The following STAB2 variants were observed in gnomAD, a reference collection of about 807,000 sequenced individuals.
STAB2 encodes stabilin-2.
In STAB2, 288 loss-of-function variants were observed where a neutral mutation model predicts 338.1. That is an observed-to-expected ratio of 0.85 (90% CI 0.77 to 0.94). The LOEUF (loss-of-function observed/expected upper bound fraction) is 0.94. STAB2 is among the 40% of genes least tolerant of loss of function. The pLI is 0.00. For missense variants in STAB2, 3,141 were observed against 3,210.1 expected (o/e 0.98, Z 0.52); for synonymous variants, 1,202 against 1,193.3 (o/e 1.01, Z -0.15).
At chr12:103,591,829 C>G (rs775187398) in intron 2 of STAB2, among the ~76,000 whole-genome samples, 13 of 152,238 alleles carry the variant, frequency 8.5e-5, no homozygotes, top group Non-Finnish European at 1.6e-4. Flanking sequence ...GTTCTGCTCA[C>G]TAGCTAATGG....
chr12:103,692,140 C>T (rs780690819), intron 30 of STAB2, among the ~76,000 whole-genome samples: 88 of 152,210 alleles, frequency 5.8e-4, no homozygotes, highest in Non-Finnish European at 8.2e-4. Context: ...TTGGTTCCTT[C>T]TAAGGCTTTG....
At chr12:103,763,748 G>C (rs924355759) in intron 68 of STAB2, 140 bp downstream of exon 68, 280 of 810,274 alleles carry the variant, frequency 3.5e-4, no homozygotes, top group Non-Finnish European at 5.7e-5. Context: ...CTAAAAGCCA[G>C]TTTTGCAAGC....
intron 34 of STAB2, among the ~76,000 whole-genome samples, chr12:103,701,455 T>C (rs895981287): frequency 6.6e-5 from 10 of 152,200 alleles, no homozygotes; most frequent in African/African-American, 1.9e-4. Flanking sequence ...GTTGAACTAG[T>C]TTACAGTCCC....
chr12:103,750,776 G>A (rs926511623), intron 60 of STAB2, 56 bp downstream of exon 60: 10 of 1,553,660 alleles, frequency 6.4e-6, no homozygotes, highest in Non-Finnish European at 7.8e-6. Flanking sequence ...GCCTGGGGAA[G>A]GGACCCTCAA....
intron 9 of STAB2, among the ~76,000 whole-genome samples, chr12:103,645,692 G>C (rs1271685629): frequency 6.6e-6 from 1 of 152,192 alleles, no homozygotes; most frequent in Non-Finnish European, 1.5e-5. Context: ...ACTATTATTT[G>C]ATTGTATTAA....
chr12:103,734,537 A>G (rs1448881020), intron 51 of STAB2, among the ~76,000 whole-genome samples: 1 of 152,246 alleles, frequency 6.6e-6, no homozygotes, highest in Non-Finnish European at 1.5e-5. Context: ...ACATGATCAT[A>G]TAGGAGCAAG....
At chr12:103,667,588 G>GC in intron 19 of STAB2, among the ~76,000 whole-genome samples, 1 of 152,300 alleles carries the variant, frequency 6.6e-6, no homozygotes, top group African/African-American at 2.4e-5. Flanking sequence ...GGAGCCAAAA[G>GC]AAGCCCTCAA....
chr12:103,700,114 T>C (rs2138951883), intron 34 of STAB2, among the ~76,000 whole-genome samples: 1 of 152,362 alleles, frequency 6.6e-6, no homozygotes, highest in East Asian at 1.9e-4. Context: ...ACATGATACC[T>C]AAATATTTAA....
intron 68 of STAB2, among the ~76,000 whole-genome samples, chr12:103,764,996 C>T (rs936078452): frequency 1.4e-5 from 2 of 138,858 alleles, no homozygotes; most frequent in Non-Finnish European, 3.0e-5. Context: ...GCTGAGGCAA[C>T]AGAATCGCTT....
At chr12:103,764,368 G>T (rs1412506483) in intron 68 of STAB2, among the ~76,000 whole-genome samples, 1 of 152,170 alleles carries the variant, frequency 6.6e-6, no homozygotes, top group Non-Finnish European at 1.5e-5. Context: ...AGGCCTTATA[G>T]TATATATGGG....
At chr12:103,742,080 C>CATA (rs35636054) in intron 55 of STAB2, among the ~76,000 whole-genome samples, 21,075 of 152,096 alleles carry the variant, frequency 0.14, 2,303 homozygotes, top group African/African-American at 0.31. Flanking sequence ...GACACTGTAT[C>CATA]ATCATTATTA....
chr12:103,588,702 C>T (rs887040569), intron 1 of STAB2, among the ~76,000 whole-genome samples: 1 of 152,128 alleles, frequency 6.6e-6, no homozygotes, highest in Non-Finnish European at 1.5e-5. Context: ...GGTTTTAAAT[C>T]TAGCCCACAA....
At chr12:103,653,840 G>GTGGATGGA (rs148948039) in intron 12 of STAB2, among the ~76,000 whole-genome samples, 3,340 of 139,148 alleles carry the variant, frequency 0.024, 75 homozygotes, top group South Asian at 0.061. Context: ...CACCGGATGG[G>GTGGATGGA]TGGATGGATG....
rs766697980 is a variant in STAB2 at position 103,655,276 on chromosome 12, C to T, written c.1577C>T (p.Pro526Leu). ...NEQTIMTMLQ[P>L]RYSKFRSLLE... The stretch of plus-strand genomic sequence containing the variant: ...CAAACCATAATGACAATGCTACAAC[C>T]AAGGTACAGCAAGTTCAGATCTTTG... The change falls in exon 14 of 69, where the codon CCA becomes CTA. Residue 526 changes from proline to leucine, a missense_variant. Coordinates refer to ENST00000388887, the MANE Select transcript of STAB2 (RefSeq NM_017564.10). 3 of 1,612,852 alleles carry T rather than the reference C, an allele frequency of 1.9e-6. No homozygotes were observed. The highest frequency in any genetic ancestry group is 2.5e-6 in the Non-Finnish European group (3 of 1,179,706).
chr12:103,707,000 C>T lies in STAB2; in HGVS notation c.4192+13C>T, dbSNP rs1409511174. On this transcript the variant is annotated intron_variant, in intron 38 of 68. Coordinates refer to ENST00000388887, the MANE Select transcript of STAB2 (RefSeq NM_017564.10). The stretch of plus-strand genomic sequence containing the variant: ...CACTGTGACCAAGGTGAGCACCGTC[C>T]TCTCCACAGAGGATCTTGGGCTGCT... 6.2e-7 allele frequency: 1 copy of T among 1,613,520 alleles called. No homozygotes were observed. Among genetic ancestry groups the T allele is most frequent in the Non-Finnish European group, 8.5e-7 (1 of 1,179,766 alleles).
chr12:103,655,241 CTCT>C lies in STAB2; in HGVS notation c.1552-8_1552-6del. ...ATTTCCTGATTTTTAAGCAAAATGT[CTCT>C]TTTTAGCAAACCATAATGACAATGC... On this transcript the variant is annotated splice_region_variant and splice_polypyrimidine_tract_variant and intron_variant, in intron 13 of 68. Transcript: ENST00000388887. 1 of 1,606,450 alleles carries C rather than the reference CTCT, an allele frequency of 6.2e-7. No individual in the cohort carries two copies. Among genetic ancestry groups the C allele is most frequent in the South Asian group, 1.1e-5 (1 of 88,518 alleles).
At chr12:103,588,661 A>G (rs1956750323) in intron 1 of STAB2, among the ~76,000 whole-genome samples, 2 of 152,226 alleles carry the variant, frequency 1.3e-5, no homozygotes, top group African/African-American at 4.8e-5. Context: ...GAAAAGGGCA[A>G]TTTGAAGGTC....
rs774297311 is a variant in STAB2 at position 103,742,474 on chromosome 12, G to T, written c.5951G>T (p.Gly1984Val). The T allele has an allele frequency of 2.5e-6, 4 of 1,614,132 alleles. No individual in the cohort carries two copies. In the South Asian group the frequency reaches 3.3e-5, roughly 13 times the overall value. The change falls in exon 56 of 69, where the codon GGA (glycine) becomes GTA (valine). Residue 1984 changes from glycine (G) to valine (V), a missense_variant. Physicochemically the swap from Gly to Val is moderately radical, Grantham distance 109. Coordinates refer to ENST00000388887, the MANE Select transcript of STAB2 (RefSeq NM_017564.10). Reference sequence around the variant, plus strand: ...TGCCTTGATCAGTACTCGGCCACCGGAGAGTGTAAATGCAACACCGGCTTC... The same window carrying T: ...TGCCTTGATCAGTACTCGGCCACCGTAGAGTGTAAATGCAACACCGGCTTC... ...GVCLDQYSATGECKCNTGFNG... is the reference protein window; with the variant it reads ...GVCLDQYSATVECKCNTGFNG...
chr12:103,725,044 A>T lies in STAB2; in HGVS notation c.4753A>T (p.Lys1585Ter). The part of the protein sequence containing the change: ...TGQVERTCTC[K>*]PNYIGDGFTC... ...GCAAGTAGAAAGGACTTGTACTTGC[A>T]AGCCAAACTACATTGGAGATGGATT... Residue 1585 changes from lysine to a stop codon, truncating the protein, a stop_gained, in exon 45 of 69, where the codon AAG becomes TAG. Coordinates refer to ENST00000388887, the MANE Select transcript of STAB2 (RefSeq NM_017564.10). LOFTEE classifies it high-confidence loss of function. 6.2e-7 allele frequency: 1 copy of T among 1,613,972 alleles called. No homozygotes were observed. Among genetic ancestry groups the T allele is most frequent in the Non-Finnish European group, 8.5e-7 (1 of 1,179,816 alleles).
Sources: gnomAD v4.1 joint callset for allele counts (sites outside exome capture counted in the v4.1 genomes callset) on GRCh38, gnomAD v4.1.1 for gene constraint, MANE v1.5 for transcripts, NCBI Gene and HGNC (gene_info 2026-07-23, HGNC 2026-07-21) for gene names.